The following GPHN variants were observed in gnomAD, a reference collection of about 807,000 sequenced individuals.
GPHN encodes the protein gephyrin.
In GPHN, 17 loss-of-function variants were observed where a neutral mutation model predicts 95.5. The observed-to-expected ratio is 0.18, with a 90% CI of 0.12 to 0.27. The LOEUF (loss-of-function observed/expected upper bound fraction) is 0.27. GPHN is among the 10% of genes least tolerant of loss of function. The pLI is 1.00. For missense variants in GPHN, 660 were observed against 978.1 expected (o/e 0.67, Z 4.34); for synonymous variants, 320 against 322.5 (o/e 0.99, Z 0.08).
At chr14:67,246,900 C>G in the GPHN span, among the ~76,000 whole-genome samples, 2 of 152,030 alleles carry the variant, frequency 1.3e-5, no homozygotes, top group Admixed American at 6.5e-5. Flanking sequence ...TCTGCCTGCC[C>G]CGGCTTCCCA....
At chr14:67,557,815 C>T in the GPHN span, among the ~76,000 whole-genome samples, 47 of 152,322 alleles carry the variant, frequency 3.1e-4, 1 homozygote, top group African/African-American at 1.1e-3. Flanking sequence ...GGCACGTGGT[C>T]AGTACTTGGT....
At chr14:67,291,656 G>A in the GPHN span, among the ~76,000 whole-genome samples, 1 of 152,126 alleles carries the variant, frequency 6.6e-6, no homozygotes, top group Admixed American at 6.6e-5. Flanking sequence ...ACACTAACAG[G>A]CAGACACAAT....
At chr14:66,684,680 G>A (rs2067222268) in intron 2 of GPHN, among the ~76,000 whole-genome samples, 1 of 151,940 alleles carries the variant, frequency 6.6e-6, no homozygotes, top group African/African-American at 2.4e-5. Context: ...GAGATGCCAT[G>A]GGAGAAAAAA....
intron 2 of GPHN, among the ~76,000 whole-genome samples, chr14:66,707,851 A>C (rs1228471264): frequency 6.6e-6 from 1 of 152,194 alleles, no homozygotes; most frequent in Non-Finnish European, 1.5e-5. Context: ...GTTTCAATGT[A>C]GGTATACATT....
At chr14:67,372,799 G>T in the GPHN span, among the ~76,000 whole-genome samples, 2 of 151,124 alleles carry the variant, frequency 1.3e-5, no homozygotes, top group Admixed American at 6.6e-5. Context: ...CTGCACTCCA[G>T]CCTGGCGACA....
the GPHN span, among the ~76,000 whole-genome samples, chr14:67,637,666 T>G: frequency 6.6e-6 from 1 of 152,174 alleles, no homozygotes; most frequent in South Asian, 2.1e-4. Context: ...AGGAGAAAGC[T>G]CTTAAGAGGT....
At chr14:67,057,289 A>G (rs2075625175) in intron 10 of GPHN, among the ~76,000 whole-genome samples, 1 of 152,190 alleles carries the variant, frequency 6.6e-6, no homozygotes, top group African/African-American at 2.4e-5. Context: ...TGTCCTTTGC[A>G]GGGACAGGGA....
chr14:67,399,930 C>T, the GPHN span, among the ~76,000 whole-genome samples: 4 of 152,250 alleles, frequency 2.6e-5, no homozygotes, highest in South Asian at 2.1e-4. Flanking sequence ...TTTCCAAAGC[C>T]GAGCTTAGGG....
At chr14:67,230,601 CAA>C in the GPHN span, among the ~76,000 whole-genome samples, 1 of 151,862 alleles carries the variant, frequency 6.6e-6, no homozygotes, top group Non-Finnish European at 1.5e-5. Flanking sequence ...GATCAAATTT[CAA>C]AAAAACTAAA....
the GPHN span, chr14:67,586,862 T>C: frequency 1.3e-6 from 2 of 1,511,856 alleles, no homozygotes; most frequent in Non-Finnish European, 1.8e-6. Context: ...GCACTGTGCA[T>C]CTGAGAGGAT....
intron 1 of GPHN, among the ~76,000 whole-genome samples, chr14:66,526,447 T>C (rs1220473551): frequency 6.6e-6 from 1 of 152,222 alleles, no homozygotes; most frequent in Non-Finnish European, 1.5e-5. Flanking sequence ...TTTGACTTCC[T>C]CTTCCTATTT....
At chr14:66,886,024 C>T (rs984003005) in intron 5 of GPHN, among the ~76,000 whole-genome samples, 1 of 151,978 alleles carries the variant, frequency 6.6e-6, no homozygotes, top group East Asian at 1.9e-4. Flanking sequence ...GGAGAACTTA[C>T]TAGACAAAGG....
At chr14:67,409,261 CA>C in the GPHN span, among the ~76,000 whole-genome samples, 1 of 150,364 alleles carries the variant, frequency 6.7e-6, no homozygotes. Flanking sequence ...AAATAAGTAA[CA>C]GGGGGGTGTG....
At chr14:67,371,632 T>G in the GPHN span, among the ~76,000 whole-genome samples, 1 of 152,214 alleles carries the variant, frequency 6.6e-6, no homozygotes, top group African/African-American at 2.4e-5. Flanking sequence ...ACTATACTGA[T>G]TAGGTAGTTG....
the GPHN span, among the ~76,000 whole-genome samples, chr14:67,330,589 G>A: frequency 6.6e-5 from 10 of 151,540 alleles, no homozygotes; most frequent in East Asian, 2.0e-3. Flanking sequence ...CTCCCGAGTA[G>A]CTGGGATTAT....
downstream of GPHN, among the ~76,000 whole-genome samples, chr14:67,186,636 CA>C (rs944264293): frequency 1.1e-4 from 16 of 152,190 alleles, no homozygotes; most frequent in Admixed American, 3.9e-4. Context: ...CTGAGAATGT[CA>C]AAAACAAAAA....
chr14:66,515,891 T>C (rs2058220587), intron 1 of GPHN, among the ~76,000 whole-genome samples: 1 of 152,254 alleles, frequency 6.6e-6, no homozygotes, highest in Non-Finnish European at 1.5e-5. Flanking sequence ...AAGTTGAATA[T>C]TGACACATTC....
At chr14:67,156,846 T>G (rs2081614928) in intron 18 of GPHN, among the ~76,000 whole-genome samples, 2 of 151,986 alleles carry the variant, frequency 1.3e-5, no homozygotes, top group Non-Finnish European at 1.5e-5. Flanking sequence ...GGCATGTGCC[T>G]GTAGTCCCAG....
At position 66,852,691 on chromosome 14, in the gene GPHN, C is replaced by T. The variant is rs2062640783; in HGVS notation, c.295-27248C>T. The stretch of plus-strand genomic sequence containing the variant: ...TTTTCTATCTGAGACAGTAGTCAAG[C>T]TAATTGTCTCTTTGTGACCTACAGA... On this transcript the variant is annotated intron_variant, in intron 4 of 22. Coordinates refer to ENST00000478722, the MANE Select transcript of GPHN (RefSeq NM_020806.5). Among the ~76,000 whole-genome samples, 3 of 152,208 alleles carry T rather than the reference C, an allele frequency of 2.0e-5. No individual in the cohort carries two copies. In the South Asian group the frequency reaches 6.2e-4, roughly 32 times the overall value.
Sources: gnomAD v4.1 joint callset for allele counts (sites outside exome capture counted in the v4.1 genomes callset) on GRCh38, gnomAD v4.1.1 for gene constraint, MANE v1.5 for transcripts, NCBI Gene and HGNC (gene_info 2026-07-23, HGNC 2026-07-21) for gene names.